TCERG1L: variants seen among roughly 807,000 people sequenced by gnomAD.
TCERG1L encodes transcription elongation regulator 1 like.
A neutral mutation model predicts 56.3 loss-of-function variants in TCERG1L; 37 were observed. The observed-to-expected ratio is 0.66, with a 90% confidence interval of 0.51 to 0.87. The LOEUF (loss-of-function observed/expected upper bound fraction) is 0.87, where lower values mean the gene tolerates loss of function less well. Among genes scored for constraint, TCERG1L ranks in the 40% least tolerant of loss-of-function variants. The probability of loss-of-function intolerance (pLI) is 0.00; values close to 1 mark genes in which losing one functional copy is unlikely to be tolerated. For synonymous variants in TCERG1L, 324 were observed against 326.3 expected (o/e 0.99, Z 0.08); for missense variants, 799 against 774.2 (o/e 1.03, Z -0.38).
chr10:131,207,035 G>A (rs1012503989), intron 4 of TCERG1L, among the ~76,000 whole-genome samples: 2 of 152,186 alleles, frequency 1.3e-5, no homozygotes, highest in African/African-American at 4.8e-5. Context: ...CTTCAGAGCT[G>A]AGCCTGGAAT....
At chr10:131,202,154 G>A (rs889425764) in intron 4 of TCERG1L, among the ~76,000 whole-genome samples, 15 of 152,156 alleles carry the variant, frequency 9.9e-5, no homozygotes, top group Admixed American at 3.3e-4. Flanking sequence ...TGAGCCTCCC[G>A]ACCACATGAA....
chr10:131,217,016 T>C (rs893510), intron 4 of TCERG1L, among the ~76,000 whole-genome samples: 84,186 of 151,964 alleles, frequency 0.55, 24,252 homozygotes, highest in African/African-American at 0.72. Flanking sequence ...ACACCCACAA[T>C]GCCCACAGTC....
chr10:131,135,756 T>C (rs10829918), intron 7 of TCERG1L, among the ~76,000 whole-genome samples: 39,142 of 152,192 alleles, frequency 0.26, 5,562 homozygotes, highest in East Asian at 0.34. Context: ...ATCTGCCCTG[T>C]ACCTTCCAGC....
chr10:131,120,964 T>C (rs561163712), intron 8 of TCERG1L, among the ~76,000 whole-genome samples: 1 of 152,326 alleles, frequency 6.6e-6, no homozygotes, highest in South Asian at 2.1e-4. Flanking sequence ...GGGACATGTA[T>C]AAAACAGTTA....
rs941788592 is a variant in TCERG1L at position 131,269,721 on chromosome 10, T to C, written c.671-9277A>G. ...ACAGACGTAACAATACTTAAAAACT[T>C]TGAAACACTGAGAGTTCCCAGAATG... On this transcript the variant is annotated intron_variant, in intron 3 of 11. Coordinates refer to ENST00000368642, the MANE Select transcript of TCERG1L (RefSeq NM_174937.4). Among the ~76,000 whole-genome samples the C allele has an allele frequency of 3.9e-5, 6 of 152,308 alleles. 1 individual carries two copies. Among genetic ancestry groups the C allele is most frequent in the Admixed American group, 2.0e-4 (3 of 15,296 alleles).
rs186025606 is a variant in TCERG1L, at chr10:131,221,724, C to T, written c.856+38535G>A. Among the ~76,000 whole-genome samples, 352 of 152,300 alleles carry T rather than the reference C, an allele frequency of 2.3e-3. 1 individual carries two copies. The highest frequency in any genetic ancestry group is 8.0e-3 in the African/African-American group (332 of 41,558). On this transcript the variant is annotated intron_variant, in intron 4 of 11. Transcript: ENST00000368642. Reference sequence around the variant, plus strand: ...AGGTCCCCATGCTATGACTTAGCCACGTGACAGACAGCAGAGCACGTCGTA... The same window carrying T: ...AGGTCCCCATGCTATGACTTAGCCATGTGACAGACAGCAGAGCACGTCGTA...
intron 3 of TCERG1L, among the ~76,000 whole-genome samples, chr10:131,270,786 T>A (rs917456187): frequency 1.3e-5 from 2 of 152,208 alleles, no homozygotes; most frequent in African/African-American, 4.8e-5. Flanking sequence ...TCGTGGGAGA[T>A]ATCAGGCTTG....
chr10:131,268,088 A>T (rs1296089997), intron 3 of TCERG1L, among the ~76,000 whole-genome samples: 3 of 152,080 alleles, frequency 2.0e-5, no homozygotes. Context: ...CCCTAAGACC[A>T]CGGGAATGCC....
chr10:131,181,938 C>T (rs1178703839), intron 4 of TCERG1L, among the ~76,000 whole-genome samples: 2 of 152,266 alleles, frequency 1.3e-5, no homozygotes, highest in Admixed American at 1.3e-4. Context: ...TAAGATGCAG[C>T]TTCAAATCAC....
chr10:131,254,566 C>G (rs1846148649), intron 4 of TCERG1L, among the ~76,000 whole-genome samples: 1 of 152,020 alleles, frequency 6.6e-6, no homozygotes, highest in African/African-American at 2.4e-5. Flanking sequence ...GAAAATAGGG[C>G]AGAGTGGAAA....
At chr10:131,226,905 A>T (rs1320652789) in intron 4 of TCERG1L, among the ~76,000 whole-genome samples, 2 of 149,122 alleles carry the variant, frequency 1.3e-5, no homozygotes, top group African/African-American at 5.2e-5. Flanking sequence ...AAGCAGAAAG[A>T]GAAGCAGAAT....
At chr10:131,155,982 GC>G (rs1456248849) in intron 6 of TCERG1L, 1 of 152,178 alleles carries the variant, frequency 6.6e-6, no homozygotes, top group Non-Finnish European at 1.5e-5. Context: ...ATGCAAAAGG[GC>G]CGAAGTGACA....
intron 9 of TCERG1L, among the ~76,000 whole-genome samples, chr10:131,116,531 G>A (rs926841295): frequency 5.9e-5 from 9 of 152,180 alleles, no homozygotes; most frequent in African/African-American, 9.6e-5. Flanking sequence ...CACTTTGGCT[G>A]CCCCTCGGCC....
intron 4 of TCERG1L, among the ~76,000 whole-genome samples, chr10:131,184,942 C>T (rs1351745091): frequency 2.6e-5 from 4 of 152,106 alleles, no homozygotes; most frequent in Non-Finnish European, 5.9e-5. Context: ...ACATAATATA[C>T]ATCCTACTAT....
At chr10:131,234,472 A>C (rs1178671645) in intron 4 of TCERG1L, among the ~76,000 whole-genome samples, 1 of 152,104 alleles carries the variant, frequency 6.6e-6, no homozygotes, top group Non-Finnish European at 1.5e-5. Context: ...TTTTTATTTT[A>C]GAAAAGTATG....
At chr10:131,094,260 A>ACAGTC (rs1281480256) in intron 11 of TCERG1L, among the ~76,000 whole-genome samples, 2 of 152,210 alleles carry the variant, frequency 1.3e-5, no homozygotes, top group Non-Finnish European at 2.9e-5. Context: ...TTGTCCAGCG[A>ACAGTC]CAGTCGGGCA....
At chr10:131,217,172 G>A (rs1404620234) in intron 4 of TCERG1L, among the ~76,000 whole-genome samples, 1 of 152,102 alleles carries the variant, frequency 6.6e-6, no homozygotes, top group African/African-American at 2.4e-5. Flanking sequence ...GGATCCTGGG[G>A]TGGATTTCCT....
At chr10:131,190,202 C>A (rs983014952) in intron 4 of TCERG1L, among the ~76,000 whole-genome samples, 1 of 152,142 alleles carries the variant, frequency 6.6e-6, no homozygotes, top group East Asian at 1.9e-4. Flanking sequence ...TGGAAACATA[C>A]AACCCTCTTA....
At chr10:131,183,190 G>C (rs1845199379) in intron 4 of TCERG1L, among the ~76,000 whole-genome samples, 2 of 152,094 alleles carry the variant, frequency 1.3e-5, no homozygotes, top group South Asian at 4.1e-4. Flanking sequence ...GTTCTATTTG[G>C]CACTACCCAC....
Sources: gnomAD v4.1 joint callset for allele counts (sites outside exome capture counted in the v4.1 genomes callset) on GRCh38, gnomAD v4.1.1 for gene constraint, MANE v1.5 for transcripts, NCBI Gene and HGNC (gene_info 2026-07-23, HGNC 2026-07-21) for gene names.